ARHGAP23: variants seen among roughly 807,000 people sequenced by gnomAD.
ARHGAP23 encodes the protein rho GTPase-activating protein 23.
In ARHGAP23, 34 loss-of-function variants were observed where a neutral mutation model predicts 136.3. The ratio of observed to expected loss-of-function variants is 0.25; its 90% CI spans 0.19 to 0.33. The LOEUF (loss-of-function observed/expected upper bound fraction) is 0.33, where lower values mean the gene tolerates loss of function less well. Among genes scored for constraint, ARHGAP23 ranks in the 10% least tolerant of loss-of-function variants. The pLI is 1.00. For synonymous variants in ARHGAP23, 832 were observed against 920.5 expected, an observed-to-expected ratio of 0.90 and a Z score of 1.74; for missense variants, 1,808 against 2,139.0, an observed-to-expected ratio of 0.85 and a Z score of 3.05.
chr17:38,489,912 GCT>G (rs1345499781), intron 17 of ARHGAP23, 188 bp from the exon 18 acceptor site: 3 of 614,704 alleles, frequency 4.9e-6, no homozygotes, highest in Non-Finnish European at 8.9e-6. Context: ...CCCGAGTGTA[GCT>G]GTGGTGAGTG....
Position 38,453,242 on chromosome 17 carries a change from T to TG in ARHGAP23, c.64-4859dup, listed in dbSNP as rs1488699411. On this transcript the variant is annotated intron_variant, in intron 1 of 23. Coordinates refer to ENST00000622683, the MANE Select transcript of ARHGAP23 (RefSeq NM_001199417.2). ...ACGATGTGGAAGAGTGTCCTGTGTG[T>TG]GTGGGGGGGATAGTGTGTTTCTGGG... Among the ~76,000 whole-genome samples the TG allele has an allele frequency of 1.8e-3, 268 of 150,236 alleles. 3 individuals carry two copies. The highest frequency in any genetic ancestry group is 6.2e-3 in the African/African-American group (254 of 40,966).
chr17:38,488,424 G>T (rs1281131798), intron 17 of ARHGAP23, among the ~76,000 whole-genome samples: 1 of 152,188 alleles, frequency 6.6e-6, no homozygotes, highest in African/African-American at 2.4e-5. Context: ...TGATTTGCGG[G>T]AGAAAAGCTC....
chr17:38,419,681 C>T lies in ARHGAP23; in HGVS notation n.120+282C>T, dbSNP rs561759788. 3.3e-5 allele frequency among the ~76,000 whole-genome samples: 5 copies of T among 152,190 alleles called. No homozygotes were observed. In the East Asian group the frequency reaches 9.7e-4, roughly 29 times the overall value. Reference sequence around the variant, plus strand: ...GGGCACCTCTCTCCCCACCCCCTTTCCAGAAAGAGATCACCCACACGGAGA... The same window carrying T: ...GGGCACCTCTCTCCCCACCCCCTTTTCAGAAAGAGATCACCCACACGGAGA... On this transcript the variant is annotated intron_variant and non_coding_transcript_variant, in intron 1 of 4. Transcript: ENST00000633445.
At chr17:38,495,468 G>C (rs2040372199) in intron 20 of ARHGAP23, among the ~76,000 whole-genome samples, 1 of 152,046 alleles carries the variant, frequency 6.6e-6, no homozygotes, top group Admixed American at 6.6e-5. Context: ...CCTGACCTCA[G>C]CTGATGCACC....
intron 22 of ARHGAP23, among the ~76,000 whole-genome samples, chr17:38,500,056 C>T (rs1414748612): frequency 1.3e-5 from 2 of 152,224 alleles, no homozygotes; most frequent in African/African-American, 2.4e-5. Context: ...CCACCTCCTG[C>T]GTCCCACCCA....
At chr17:38,488,070 T>TA (rs199536860) in intron 17 of ARHGAP23, among the ~76,000 whole-genome samples, 1 of 151,574 alleles carries the variant, frequency 6.6e-6, no homozygotes, top group Non-Finnish European at 1.5e-5. Flanking sequence ...CCCAGCTAAT[T>TA]AAAAAAAAAT....
At chr17:38,487,531 G>A (rs1210771799) in intron 17 of ARHGAP23, among the ~76,000 whole-genome samples, 1 of 152,176 alleles carries the variant, frequency 6.6e-6, no homozygotes, top group Non-Finnish European at 1.5e-5. Context: ...GTAGGAGTCT[G>A]TCTCTCCACA....
chr17:38,433,961 T>C (rs879394622), intron 1 of ARHGAP23, among the ~76,000 whole-genome samples: 2 of 151,988 alleles, frequency 1.3e-5, no homozygotes, highest in Non-Finnish European at 2.9e-5. Context: ...ATTACAGGTG[T>C]GCCACTACAC....
chr17:38,482,459 C>T lies in ARHGAP23; in HGVS notation c.2752-64C>T, dbSNP rs1368989659. ...GCAGCTCTGGGCCTTGCATTGTCCC[C>T]TTCTTGGCCTCCCCAGCTCCTCTGG... On this transcript the variant is annotated intron_variant, in intron 15 of 23. Coordinates refer to ENST00000622683, the MANE Select transcript of ARHGAP23 (RefSeq NM_001199417.2). 4.2e-6 allele frequency: 6 copies of T among 1,431,358 alleles called. No homozygotes were observed. The Admixed American group carries it at 8.7e-5, about 21-fold the overall frequency. The allele number at this position is 1,431,358 out of a possible 1,614,324, so 88.7% of individuals were successfully genotyped here.
chr17:38,434,737 G>C lies in ARHGAP23; in HGVS notation c.63+6189G>C, dbSNP rs968166511. On this transcript the variant is annotated intron_variant, in intron 1 of 23. Transcript: ENST00000622683. ...TGTTTCTGTCTCCTATCTGACTTCTGTCTGGCTCTGTGCTCCTGTATCAAC... is the reference window on the plus strand; with the variant it reads ...TGTTTCTGTCTCCTATCTGACTTCTCTCTGGCTCTGTGCTCCTGTATCAAC... Among the ~76,000 whole-genome samples the C allele has an allele frequency of 7.2e-5, 11 of 152,370 alleles. No individual in the cohort carries two copies. In the East Asian group the frequency reaches 1.5e-3, roughly 21 times the overall value.
intron 1 of ARHGAP23, among the ~76,000 whole-genome samples, chr17:38,434,267 G>T (rs1699604800): frequency 6.6e-6 from 1 of 152,236 alleles, no homozygotes; most frequent in Non-Finnish European, 1.5e-5. Flanking sequence ...AGGAGCCCGG[G>T]CCCGTAAGGA....
At chr17:38,451,075 G>T (rs931816462) in intron 1 of ARHGAP23, 1 of 152,264 alleles carries the variant, frequency 6.6e-6, no homozygotes, top group Non-Finnish European at 1.5e-5. Flanking sequence ...TCCCAGCCCT[G>T]GGCCCCCTCC....
At chr17:38,446,874 T>C (rs2039047244) in intron 1 of ARHGAP23, among the ~76,000 whole-genome samples, 1 of 152,068 alleles carries the variant, frequency 6.6e-6, no homozygotes, top group African/African-American at 2.4e-5. Context: ...AGTGTGATCA[T>C]AGCATCATAG....
intron 1 of ARHGAP23, among the ~76,000 whole-genome samples, chr17:38,456,379 C>T (rs2039325660): frequency 1.3e-5 from 2 of 152,156 alleles, no homozygotes; most frequent in South Asian, 4.1e-4. Context: ...TCTCCAGCTA[C>T]GAGAAGGGGA....
At chr17:38,444,626 C>A (rs1413160650) in intron 1 of ARHGAP23, among the ~76,000 whole-genome samples, 1 of 152,090 alleles carries the variant, frequency 6.6e-6, no homozygotes, top group Non-Finnish European at 1.5e-5. Flanking sequence ...CAGGTTCAGG[C>A]TGGGCGATCC....
At chr17:38,499,590 G>A (rs2040475386) in intron 22 of ARHGAP23, among the ~76,000 whole-genome samples, 1 of 152,142 alleles carries the variant, frequency 6.6e-6, no homozygotes, top group Admixed American at 6.5e-5. Flanking sequence ...AGTCACCAGA[G>A]GCAGGCTCAG....
At chr17:38,494,222 G>A (rs1021357278) in intron 20 of ARHGAP23, among the ~76,000 whole-genome samples, 1 of 152,178 alleles carries the variant, frequency 6.6e-6, no homozygotes. Context: ...TACCTGCTGT[G>A]CCTCAGTCTC....
At chr17:38,501,743 T>G (rs1227971451) in intron 23 of ARHGAP23, among the ~76,000 whole-genome samples, 2 of 151,954 alleles carry the variant, frequency 1.3e-5, no homozygotes, top group Non-Finnish European at 2.9e-5. Flanking sequence ...GTCCTATACC[T>G]CCTAAGGAAA....
rs975451188 is a variant in ARHGAP23, at chr17:38,510,908, C to G, written c.4412C>G (p.Thr1471Arg). The change falls in exon 24 of 24, where the codon ACG becomes AGG. Residue 1471 changes from threonine (T) to arginine (R), a missense_variant. This residue lies in a region of ARHGAP23 where 506 missense variants were observed against 455.8 expected (regional missense o/e 1.11). Transcript: ENST00000622683. The surrounding 1 kb of genome is among the most constrained non-coding windows in gnomAD (Gnocchi z 4.6). The stretch of plus-strand genomic sequence containing the variant: ...TCGCAGCCGCCCGCGCCCGGGGACA[C>G]GGGGTCCCTGCAGAGCCAGCCCCCG... ...AASQPPAPGD[T>R]GSLQSQPPRR... is the part of the protein sequence containing the mutation. The G allele has an allele frequency of 1.1e-5, 16 of 1,490,410 alleles. No individual in the cohort carries two copies. Among genetic ancestry groups the G allele is most frequent in the Admixed American group, 6.8e-5 (3 of 44,110 alleles). 92.3% of individuals were successfully genotyped at this position (1,490,410 alleles called of 1,614,324 possible). A position where few individuals can be genotyped will look rare whatever the true frequency, so the allele number is the denominator to read the frequency against.
Sources: gnomAD v4.1 joint callset for allele counts (sites outside exome capture counted in the v4.1 genomes callset) on GRCh38, gnomAD v4.1.1 for gene constraint, gnomAD v4.1.1 regional missense constraint, Gnocchi (gnomAD v3.1) non-coding constraint, MANE v1.5 for transcripts, NCBI Gene and HGNC (gene_info 2026-07-23, HGNC 2026-07-21) for gene names.